The following CPQ variants were observed in gnomAD, a reference collection of about 807,000 sequenced individuals.
CPQ encodes the protein Ser-Met dipeptidase.
A neutral mutation model predicts 45.7 loss-of-function variants in CPQ; 37 were observed. The observed-to-expected ratio is 0.81, with a 90% CI of 0.62 to 1.07. The LOEUF (loss-of-function observed/expected upper bound fraction) is 1.07, where lower values mean the gene tolerates loss of function less well. Among genes scored for constraint, CPQ ranks in the 50% least tolerant of loss-of-function variants. The pLI is 0.00. For missense variants in CPQ, 537 were observed against 572.9 expected (o/e 0.94, Z 0.64); for synonymous variants, 186 against 205.8 (o/e 0.90, Z 0.82).
chr8:96,728,192 T>C (rs1445214183), intron 1 of CPQ, among the ~76,000 whole-genome samples: 1 of 152,184 alleles, frequency 6.6e-6, no homozygotes, highest in African/African-American at 2.4e-5. Context: ...CTGCTTGCCT[T>C]AAATGCTTCT....
chr8:96,791,759 T>C (rs1010338175), intron 2 of CPQ, among the ~76,000 whole-genome samples: 1 of 152,186 alleles, frequency 6.6e-6, no homozygotes, highest in African/African-American at 2.4e-5. Flanking sequence ...GCTTATCTTC[T>C]AGCCTCTCTC....
At chr8:96,798,015 C>T (rs1223060250) in intron 2 of CPQ, among the ~76,000 whole-genome samples, 1 of 151,410 alleles carries the variant, frequency 6.6e-6, no homozygotes, top group East Asian at 1.9e-4. Context: ...TGTGCCACTG[C>T]ACTCCAGCCT....
intron 7 of CPQ, among the ~76,000 whole-genome samples, chr8:97,097,391 A>T (rs1434595302): frequency 6.6e-6 from 1 of 152,152 alleles, no homozygotes; most frequent in African/African-American, 2.4e-5. Context: ...GATGCCTTAC[A>T]TATGGAATAT....
intron 4 of CPQ, among the ~76,000 whole-genome samples, chr8:96,947,840 G>A (rs1813211345): frequency 6.6e-6 from 1 of 151,854 alleles, no homozygotes; most frequent in South Asian, 2.1e-4. Context: ...CTAATTATGT[G>A]CTTACTTAAA....
chr8:96,883,927 T>A (rs1258970693), intron 4 of CPQ, among the ~76,000 whole-genome samples: 5 of 152,158 alleles, frequency 3.3e-5, no homozygotes, highest in Non-Finnish European at 5.9e-5. Flanking sequence ...TCTCAACACA[T>A]GTTTTATTTT....
chr8:97,017,621 C>T (rs1428895284), intron 5 of CPQ, among the ~76,000 whole-genome samples: 1 of 152,050 alleles, frequency 6.6e-6, no homozygotes, highest in Non-Finnish European at 1.5e-5. Context: ...CTGGATGAGG[C>T]CTGTGACTGC....
intron 6 of CPQ, among the ~76,000 whole-genome samples, chr8:97,063,520 G>A (rs1451896094): frequency 6.6e-6 from 1 of 152,074 alleles, no homozygotes. Flanking sequence ...ATTGCTTTTG[G>A]CATCTTTGTC....
chr8:97,073,640 C>G (rs1182225136), intron 7 of CPQ, among the ~76,000 whole-genome samples: 1 of 152,050 alleles, frequency 6.6e-6, no homozygotes, highest in Non-Finnish European at 1.5e-5. Context: ...TGCTGTAAAC[C>G]AAACGCTGAG....
At chr8:96,901,800 T>C (rs971218669) in intron 4 of CPQ, among the ~76,000 whole-genome samples, 1 of 152,186 alleles carries the variant, frequency 6.6e-6, no homozygotes, top group African/African-American at 2.4e-5. Context: ...AGCTCATCTT[T>C]GGGATGCCAA....
intron 4 of CPQ, among the ~76,000 whole-genome samples, chr8:96,940,351 C>T (rs1813109732): frequency 6.6e-6 from 1 of 152,152 alleles, no homozygotes; most frequent in South Asian, 2.1e-4. Context: ...AGAAAACCAT[C>T]AGTTCTCCAA....
rs536952052 is a variant in CPQ at position 96,710,057 on chromosome 8, C to T, written c.-35+64655C>T. 6.6e-5 allele frequency among the ~76,000 whole-genome samples: 10 copies of T among 152,092 alleles called. No homozygotes were observed. In the East Asian group the frequency reaches 1.7e-3, roughly 26 times the overall value. On this transcript the variant is annotated intron_variant, in intron 1 of 7. Coordinates refer to ENST00000220763, the MANE Select transcript of CPQ (RefSeq NM_016134.4). Reference sequence around the variant, plus strand: ...TGGCAATTTTTAAAAATTACTGATTCGATGTTACTGCTTGTTATTTGTTTA... The same window carrying T: ...TGGCAATTTTTAAAAATTACTGATTTGATGTTACTGCTTGTTATTTGTTTA...
chr8:96,873,092 G>A (rs373066969), intron 3 of CPQ, among the ~76,000 whole-genome samples: 2 of 151,678 alleles, frequency 1.3e-5, no homozygotes, highest in East Asian at 1.9e-4. Context: ...AAGAAGCTAC[G>A]TTTTTCTGAC....
intron 7 of CPQ, chr8:97,132,817 A>G (rs1363353076): frequency 6.6e-6 from 1 of 152,266 alleles, no homozygotes; most frequent in Non-Finnish European, 1.5e-5. Context: ...ATTTACAAGG[A>G]GTCATGCTGG....
At chr8:97,109,576 G>A (rs548000000) in intron 7 of CPQ, among the ~76,000 whole-genome samples, 5 of 152,134 alleles carry the variant, frequency 3.3e-5, no homozygotes, top group African/African-American at 9.6e-5. Flanking sequence ...CTCTGTGAAC[G>A]ATCTCCTCTC....
chr8:96,654,115 A>ATCATG (rs1563692919), intron 1 of CPQ, among the ~76,000 whole-genome samples: 1 of 152,122 alleles, frequency 6.6e-6, no homozygotes, highest in Non-Finnish European at 1.5e-5. Flanking sequence ...GCTTTTTGGT[A>ATCATG]CTTTTATATC....
intron 1 of CPQ, among the ~76,000 whole-genome samples, chr8:96,751,114 T>A (rs1264172410): frequency 6.6e-6 from 1 of 152,252 alleles, no homozygotes; most frequent in African/African-American, 2.4e-5. Context: ...CATGTATCTT[T>A]ATAATGGAAT....
chr8:96,984,985 T>G (rs1813985525), intron 5 of CPQ, among the ~76,000 whole-genome samples: 1 of 152,194 alleles, frequency 6.6e-6, no homozygotes, highest in South Asian at 2.1e-4. Context: ...TTTAATAGAG[T>G]TCTGTGAGTA....
At chr8:97,116,519 G>T (rs1811596951) in intron 7 of CPQ, among the ~76,000 whole-genome samples, 1 of 151,986 alleles carries the variant, frequency 6.6e-6, no homozygotes, top group Non-Finnish European at 1.5e-5. Context: ...CCTTAACATG[G>T]TTTTTTTCCA....
At chr8:96,925,640 C>T (rs1181269158) in intron 4 of CPQ, among the ~76,000 whole-genome samples, 1 of 151,976 alleles carries the variant, frequency 6.6e-6, no homozygotes, top group Non-Finnish European at 1.5e-5. Context: ...GCCTTGGCCT[C>T]CCAAAGTGCT....
Sources: allele counts gnomAD v4.1 joint callset (sites outside exome capture counted in the v4.1 genomes callset), GRCh38; gene constraint gnomAD v4.1.1; transcripts MANE v1.5; gene names NCBI Gene and HGNC (gene_info 2026-07-23, HGNC 2026-07-21).